Variants in PDCD1LG2 observed in about 807,000 individuals in gnomAD.
The protein encoded by PDCD1LG2 is programmed cell death 1 ligand 2, also known as B7 dendritic cell molecule.
Under a neutral mutation model 28.2 loss-of-function variants are expected in PDCD1LG2, and 32 were observed. The ratio of observed to expected loss-of-function variants is 1.13; its 90% CI spans 0.86 to 1.52. PDCD1LG2 has a LOEUF of 1.52. PDCD1LG2 is among the 40% of genes most tolerant of loss of function. The pLI is 0.00. For missense variants in PDCD1LG2, 385 were observed against 323.8 expected (o/e 1.19, Z -1.45); for synonymous variants, 116 against 120.2 (o/e 0.97, Z 0.23).
chr9:5,570,235 G>A lies in PDCD1LG2; in HGVS notation c.*276G>A, dbSNP rs569807861. ...TACCCCACTGGATCCTGGACCCACA[G>A]AATTCCTTCAGGATCCTTCTTGCTG... On this transcript the variant is annotated 3_prime_UTR_variant, in exon 7 of 7. Transcript: ENST00000397747. 9.2e-5 allele frequency: 35 copies of A among 380,396 alleles called. No homozygotes were observed. The South Asian group carries it at 3.2e-3, about 34-fold the overall frequency. 23.6% of individuals were successfully genotyped at this position (380,396 alleles called of 1,614,324 possible). A position where few individuals can be genotyped will look rare whatever the true frequency, so the allele number is the denominator to read the frequency against.
At chr9:5,528,756 G>C (rs934012082) in intron 2 of PDCD1LG2, among the ~76,000 whole-genome samples, 7 of 151,914 alleles carry the variant, frequency 4.6e-5, no homozygotes, top group Non-Finnish European at 1.0e-4. Flanking sequence ...ATTTTTTTGA[G>C]ACGCAGTCTC....
intron 4 of PDCD1LG2, among the ~76,000 whole-genome samples, chr9:5,550,187 T>G (rs1192991722): frequency 2.0e-5 from 3 of 152,152 alleles, no homozygotes; most frequent in Admixed American, 6.5e-5. Flanking sequence ...AGTCAGCTGG[T>G]TATGGGTTTT....
At chr9:5,534,681 C>A (rs1028269854) in intron 2 of PDCD1LG2, 64 bp from the exon 3 acceptor site, 2 of 1,465,616 alleles carry the variant, frequency 1.4e-6, no homozygotes, top group Non-Finnish European at 1.9e-6. Flanking sequence ...TCAGGTTACA[C>A]TTCGTAAGAA....
chr9:5,521,009 T>C (rs1215117712), intron 1 of PDCD1LG2, among the ~76,000 whole-genome samples: 2 of 152,136 alleles, frequency 1.3e-5, no homozygotes, highest in Admixed American at 1.3e-4. Flanking sequence ...TGGTATATCA[T>C]ACAATGGAAT....
At chr9:5,532,385 G>T (rs569725753) in intron 2 of PDCD1LG2, among the ~76,000 whole-genome samples, 50 of 152,378 alleles carry the variant, frequency 3.3e-4, no homozygotes, top group Non-Finnish European at 5.7e-4. Context: ...TCACTATCAA[G>T]TGTGCTGTGT....
chr9:5,522,898 A>C (rs1820304301), intron 2 of PDCD1LG2, among the ~76,000 whole-genome samples: 1 of 152,192 alleles, frequency 6.6e-6, no homozygotes, highest in African/African-American at 2.4e-5. Flanking sequence ...AAACTGATAC[A>C]AGAGGGCAGG....
intron 2 of PDCD1LG2, among the ~76,000 whole-genome samples, chr9:5,526,266 T>C (rs1420126753): frequency 6.6e-6 from 1 of 152,120 alleles, no homozygotes; most frequent in Non-Finnish European, 1.5e-5. Flanking sequence ...ATGAAACAAC[T>C]ATAAAGCTTA....
In PDCD1LG2 at chr9:5,570,053, T is replaced by G; in HGVS notation, c.*94T>G. ...ATTCGGTGGCCTGCAGAGCTTGCCATTTGCACTTTTCAAATGCCTTTGGAT... is the reference window on the plus strand; with the variant it reads ...ATTCGGTGGCCTGCAGAGCTTGCCAGTTGCACTTTTCAAATGCCTTTGGAT... On this transcript the variant is annotated 3_prime_UTR_variant, in exon 7 of 7. Transcript: ENST00000397747. 6.6e-7 allele frequency: 1 copy of G among 1,510,214 alleles called. No homozygotes were observed. Among genetic ancestry groups the G allele is most frequent in the Admixed American group, 1.7e-5 (1 of 57,214 alleles). 93.6% of individuals were successfully genotyped at this position (1,510,214 alleles called of 1,614,324 possible). A position where few individuals can be genotyped will look rare whatever the true frequency, so the allele number is the denominator to read the frequency against.
At chr9:5,563,863 T>C (rs1001874758) in intron 6 of PDCD1LG2, among the ~76,000 whole-genome samples, 9 of 152,230 alleles carry the variant, frequency 5.9e-5, no homozygotes, top group African/African-American at 2.2e-4. Context: ...CTCAGTTTTT[T>C]GCTCTTAAGG....
chr9:5,539,259 C>CA (rs1163872354), intron 3 of PDCD1LG2, among the ~76,000 whole-genome samples: 8 of 150,692 alleles, frequency 5.3e-5, no homozygotes, highest in African/African-American at 1.2e-4. Context: ...GGAATACAAG[C>CA]AAAAAAAAAG....
At chr9:5,559,560 T>C (rs915212170) in intron 5 of PDCD1LG2, among the ~76,000 whole-genome samples, 1 of 152,214 alleles carries the variant, frequency 6.6e-6, no homozygotes, top group Non-Finnish European at 1.5e-5. Context: ...ATGGTCTTTC[T>C]ATCTGTAAAA....
intron 5 of PDCD1LG2, 123 bp from the exon 6 acceptor site, chr9:5,563,039 G>A: frequency 1.2e-6 from 1 of 801,926 alleles, no homozygotes. Flanking sequence ...AGGCCACAGT[G>A]AACATTTGGG....
intron 3 of PDCD1LG2, among the ~76,000 whole-genome samples, chr9:5,539,247 G>C (rs28379376): frequency 0.16 from 24,086 of 151,984 alleles, 2,518 homozygotes; most frequent in African/African-American, 0.29. Flanking sequence ...CTTATTTTAG[G>C]AGGAATACAA....
rs750433591 is a variant in PDCD1LG2 at position 5,549,548 on chromosome 9, G to A, written c.575G>A (p.Cys192Tyr). The stretch of plus-strand genomic sequence containing the variant: ...CCACCCCCTGGCAGAAACTTCAGCT[G>A]TGTGTTCTGGAATACTCACGTGAGG... ...LKPPPGRNFS[C>Y]VFWNTHVREL... Residue 192 changes from cysteine (C) to tyrosine (Y), a missense_variant, in exon 4 of 7, where the codon TGT becomes TAT. Coordinates refer to ENST00000397747, the MANE Select transcript of PDCD1LG2 (RefSeq NM_025239.4). The A allele has an allele frequency of 1.2e-6, 2 of 1,614,216 alleles. No homozygotes were observed. The highest frequency in any genetic ancestry group is 1.1e-5 in the South Asian group (1 of 91,086).
intron 2 of PDCD1LG2, among the ~76,000 whole-genome samples, chr9:5,526,163 G>A (rs1024634792): frequency 8.5e-5 from 13 of 152,172 alleles, no homozygotes; most frequent in African/African-American, 2.4e-4. Context: ...AGGGTAGGTG[G>A]TAGGTTCACA....
At chr9:5,550,936 G>A (rs764409447) in intron 4 of PDCD1LG2, among the ~76,000 whole-genome samples, 12 of 151,920 alleles carry the variant, frequency 7.9e-5, no homozygotes, top group Non-Finnish European at 1.3e-4. Context: ...CAGGTGATCC[G>A]CCCGCCTCAG....
chr9:5,562,346 A>T (rs1816581460), intron 5 of PDCD1LG2, among the ~76,000 whole-genome samples: 1 of 152,232 alleles, frequency 6.6e-6, no homozygotes, highest in Non-Finnish European at 1.5e-5. Flanking sequence ...AACAACTTGG[A>T]TGGAACTGGA....
At chr9:5,550,129 A>G (rs1434650050) in intron 4 of PDCD1LG2, among the ~76,000 whole-genome samples, 3 of 152,252 alleles carry the variant, frequency 2.0e-5, no homozygotes, top group Admixed American at 6.5e-5. Flanking sequence ...ATTCATGCAC[A>G]GTGTCATGAG....
At chr9:5,518,091 C>T (rs1033702488) in intron 1 of PDCD1LG2, among the ~76,000 whole-genome samples, 1 of 152,158 alleles carries the variant, frequency 6.6e-6, no homozygotes, top group African/African-American at 2.4e-5. Context: ...AAGATTCTAG[C>T]TTAAGGTGGG....
Sources: gnomAD v4.1 joint callset for allele counts (sites outside exome capture counted in the v4.1 genomes callset) on GRCh38, gnomAD v4.1.1 for gene constraint, MANE v1.5 for transcripts, NCBI Gene and HGNC (gene_info 2026-07-23, HGNC 2026-07-21) for gene names.